The following ARID5B variants were observed in gnomAD, a reference collection of about 807,000 sequenced individuals.
The protein encoded by ARID5B is AT-rich interactive domain-containing protein 5B.
In ARID5B, 13 loss-of-function variants were observed where a neutral mutation model predicts 97.2. That is an observed-to-expected ratio of 0.13 (90% CI 0.09 to 0.21). The LOEUF (loss-of-function observed/expected upper bound fraction) is 0.21, where lower values mean the gene tolerates loss of function less well. Ranked by LOEUF, ARID5B falls within the 10% of genes least tolerant of loss-of-function variation. ARID5B has a pLI of 1.00. For missense variants in ARID5B, 1,210 were observed against 1,465.3 expected, an observed-to-expected ratio of 0.83 and a Z score of 2.84; for synonymous variants, 556 against 570.3, an observed-to-expected ratio of 0.97 and a Z score of 0.36.
At chr10:62,055,159 A>G (rs1839839275) in intron 5 of ARID5B, among the ~76,000 whole-genome samples, 1 of 152,216 alleles carries the variant, frequency 6.6e-6, no homozygotes, top group African/African-American at 2.4e-5. Flanking sequence ...CCTGGTAATA[A>G]GATAGGCTTT....
At chr10:61,916,669 A>G (rs1188165267) in intron 2 of ARID5B, among the ~76,000 whole-genome samples, 1 of 152,184 alleles carries the variant, frequency 6.6e-6, no homozygotes, top group African/African-American at 2.4e-5. Flanking sequence ...AGCTGTTTTA[A>G]TTCCAAAATG....
chr10:61,948,291 G>A (rs192931911), intron 3 of ARID5B, among the ~76,000 whole-genome samples: 68 of 151,230 alleles, frequency 4.5e-4, no homozygotes, highest in South Asian at 6.3e-4. Flanking sequence ...TCTAACAGTC[G>A]TCAGGCCTCT....
At chr10:61,978,595 C>T (rs1838733455) in intron 3 of ARID5B, among the ~76,000 whole-genome samples, 1 of 152,106 alleles carries the variant, frequency 6.6e-6, no homozygotes. Flanking sequence ...AAGTTGTATT[C>T]CTAGGTATTT....
Position 62,050,928 on chromosome 10 carries a change from C to G in ARID5B, c.774C>G (p.Cys258Trp). The change falls in exon 5 of 10, where the codon TGC (cysteine) becomes TGG (tryptophan). Residue 258 changes from cysteine to tryptophan, a missense_variant. By Grantham distance (215) the Cys-to-Trp change is radical (BLOSUM62 -2). This residue lies in a region of ARID5B where 132 missense variants were observed against 156.7 expected (regional missense o/e 0.84). Transcript: ENST00000279873. ...GCAGACCACGCAAAAAGAAACCATG[C>G]CCACAAAGAAGAGATTCATTCAGTG... ...LKGRPRKKKPCPQRRDSFSGV... is the reference protein window; with the variant it reads ...LKGRPRKKKPWPQRRDSFSGV... The G allele has an allele frequency of 1.2e-6, 2 of 1,614,150 alleles. No homozygotes were observed. The highest frequency in any genetic ancestry group is 1.7e-5 in the Admixed American group (1 of 60,032).
chr10:62,007,679 G>C (rs1274563159), intron 4 of ARID5B, among the ~76,000 whole-genome samples: 1 of 152,158 alleles, frequency 6.6e-6, no homozygotes, highest in Non-Finnish European at 1.5e-5. Context: ...TGGTTCTGTA[G>C]TGGTTCCTCA....
intron 2 of ARID5B, among the ~76,000 whole-genome samples, chr10:61,919,204 C>G (rs546547301): frequency 4.6e-5 from 7 of 152,128 alleles, no homozygotes; most frequent in Non-Finnish European, 7.3e-5. Context: ...CATGATGCAA[C>G]CATCAGGAAA....
rs1284254136 is a variant in ARID5B at position 62,057,180 on chromosome 10, T to G, written c.910T>G (p.Ser304Ala). ...PKNNHNCKKV[S>A]NEEKPKVAIG... Reference sequence around the variant, plus strand: ...GAATAACCATAACTGTAAAAAAGTCTCAAATGAAGAAAAACCAAAGGTTGC... The same window carrying G: ...GAATAACCATAACTGTAAAAAAGTCGCAAATGAAGAAAAACCAAAGGTTGC... Residue 304 changes from serine to alanine, a missense_variant, in exon 6 of 10, where the codon TCA (serine) becomes GCA (alanine). Physicochemically the swap from Ser to Ala is moderately conservative, Grantham distance 99. Transcript: ENST00000279873. 6.2e-7 allele frequency: 1 copy of G among 1,611,274 alleles called. No homozygotes were observed. Among genetic ancestry groups the G allele is most frequent in the Non-Finnish European group, 8.5e-7 (1 of 1,178,444 alleles).
chr10:62,066,334 G>A (rs576120205), intron 7 of ARID5B, among the ~76,000 whole-genome samples: 2 of 152,268 alleles, frequency 1.3e-5, no homozygotes, highest in South Asian at 2.1e-4. Context: ...AAACAGAGAT[G>A]TGTGCCTAGG....
At chr10:61,953,404 A>C (rs1838349655) in intron 3 of ARID5B, among the ~76,000 whole-genome samples, 1 of 152,152 alleles carries the variant, frequency 6.6e-6, no homozygotes. Flanking sequence ...TGTGTGTATA[A>C]AGATACAGGC....
intron 7 of ARID5B, among the ~76,000 whole-genome samples, chr10:62,067,226 A>T (rs754324348): frequency 6.6e-5 from 10 of 152,130 alleles, no homozygotes; most frequent in East Asian, 1.9e-4. Context: ...CTGGGATTAC[A>T]GGCATGCGCC....
At position 62,085,864 on chromosome 10, in the gene ARID5B, A is replaced by T; in HGVS notation, c.1362A>T (p.Glu454Asp). Residue 454 changes from glutamate to aspartate, a missense_variant, in exon 9 of 10, where the codon GAA becomes GAT. Physicochemically the swap from Glu to Asp is conservative, Grantham distance 45. This residue lies in a region of ARID5B where 800 missense variants were observed against 839.1 expected (regional missense o/e 0.95). Transcript: ENST00000279873. ...IKHEIPKSKK[E>D]KENAPKPQDA... ...ATGAAATACCTAAAAGCAAGAAAGA[A>T]AAAGAAAATGCCCCAAAGCCCCAGG... 1 of 1,613,738 alleles carries T rather than the reference A, an allele frequency of 6.2e-7. No individual in the cohort carries two copies. The highest frequency in any genetic ancestry group is 2.2e-5 in the East Asian group (1 of 44,888).
At chr10:62,036,293 C>T (rs1839563212) in intron 4 of ARID5B, among the ~76,000 whole-genome samples, 1 of 152,166 alleles carries the variant, frequency 6.6e-6, no homozygotes, top group African/African-American at 2.4e-5. Flanking sequence ...ACGATGCTCC[C>T]TAGCACAGTG....
chr10:62,023,942 T>C (rs1450688981), intron 4 of ARID5B, among the ~76,000 whole-genome samples: 1 of 152,206 alleles, frequency 6.6e-6, no homozygotes, highest in Non-Finnish European at 1.5e-5. Flanking sequence ...TGGATACCGA[T>C]AGGCTTCTGT....
In ARID5B at chr10:62,068,657, C is replaced by T. The variant is rs368404883; in HGVS notation, c.1102-1043C>T. Among the ~76,000 whole-genome samples the T allele has an allele frequency of 3.3e-5, 5 of 152,108 alleles. No homozygotes were observed. In the East Asian group the frequency reaches 7.7e-4, roughly 24 times the overall value. On this transcript the variant is annotated intron_variant, in intron 7 of 9. Coordinates refer to ENST00000279873, the MANE Select transcript of ARID5B (RefSeq NM_032199.3). Reference sequence around the variant, plus strand: ...TTAAATTCCACTGGCACCTTTGCCACGCCCTGTCCCCTACACATTCAAATA... The same window carrying T: ...TTAAATTCCACTGGCACCTTTGCCATGCCCTGTCCCCTACACATTCAAATA...
chr10:62,093,620 G>GTAGT lies in ARID5B; in HGVS notation c.*592_*595dup, dbSNP rs1467371641. 1 of 224,862 alleles carries GTAGT rather than the reference G, an allele frequency of 4.4e-6. No individual in the cohort carries two copies. Among genetic ancestry groups the GTAGT allele is most frequent in the African/African-American group, 2.3e-5 (1 of 42,826 alleles). The allele number at this position is 224,862 out of a possible 1,614,324, so 13.9% of individuals were successfully genotyped here. Reference sequence around the variant, plus strand: ...GTTTGCTCACCTAATTTATATACAGGTAGTTCCATTTTCTCCCAGTTCCTT... The same window carrying GTAGT: ...GTTTGCTCACCTAATTTATATACAGGTAGTTAGTTCCATTTTCTCCCAGTTCCTT... On this transcript the variant is annotated 3_prime_UTR_variant, in exon 10 of 10. Transcript: ENST00000279873.
chr10:61,964,631 A>G (rs7896246), intron 3 of ARID5B, among the ~76,000 whole-genome samples: 111,141 of 152,130 alleles, frequency 0.73, 41,848 homozygotes, highest in African/African-American at 0.92. Context: ...ATCTCCCCCA[A>G]TCAAACACCT....
In ARID5B at chr10:61,948,436, G is replaced by A. The variant is rs901527658; in HGVS notation, c.502+8028G>A. Among the ~76,000 whole-genome samples the A allele has an allele frequency of 1.3e-4, 18 of 135,448 alleles. No individual in the cohort carries two copies. In the Admixed American group the frequency reaches 1.4e-3, roughly 11 times the overall value. The allele number at this position is 135,448 out of a possible 152,430, so 88.9% of individuals were successfully genotyped here. A position where few individuals can be genotyped will look rare whatever the true frequency, so the allele number is the denominator to read the frequency against. ...TTTGCTCTGTCACCAGGCTGGATTC[G>A]GATCCCTGCAACCTCTGCCTCCTGG... On this transcript the variant is annotated intron_variant, in intron 3 of 9. Coordinates refer to ENST00000279873, the MANE Select transcript of ARID5B (RefSeq NM_032199.3).
chr10:62,022,381 T>C (rs1291315655), intron 4 of ARID5B, among the ~76,000 whole-genome samples: 2 of 152,172 alleles, frequency 1.3e-5, no homozygotes, highest in Non-Finnish European at 2.9e-5. Flanking sequence ...GGAAGGTCCC[T>C]GGAGAATCTC....
At position 62,091,996 on chromosome 10, in the gene ARID5B, G is replaced by C. The variant is rs749293931; in HGVS notation, c.2533G>C (p.Glu845Gln). The change falls in exon 10 of 10, where the codon GAG (glutamate) becomes CAG (glutamine). Residue 845 changes from glutamate to glutamine, a missense_variant. Coordinates refer to ENST00000279873, the MANE Select transcript of ARID5B (RefSeq NM_032199.3). ...TCTCCATAGCCTCTACAGACACACC[G>C]AGCACCATCTTCATAATGAACAGAC... ...PHLHSLYRHT[E>Q]HHLHNEQTSK... 1 of 1,613,790 alleles carries C rather than the reference G, an allele frequency of 6.2e-7. No individual in the cohort carries two copies. Among genetic ancestry groups the C allele is most frequent in the Non-Finnish European group, 8.5e-7 (1 of 1,179,976 alleles).
Sources: gnomAD v4.1 joint callset for allele counts (sites outside exome capture counted in the v4.1 genomes callset) on GRCh38, gnomAD v4.1.1 for gene constraint, gnomAD v4.1.1 regional missense constraint, MANE v1.5 for transcripts, NCBI Gene and HGNC (gene_info 2026-07-23, HGNC 2026-07-21) for gene names.